Variants in PEAK1 observed in about 807,000 individuals in gnomAD.
The protein encoded by PEAK1 is pseudopodium enriched atypical kinase 1, also known as inactive tyrosine-protein kinase PEAK1.
A neutral mutation model predicts 124.7 loss-of-function variants in PEAK1; 54 were observed. The ratio of observed to expected loss-of-function variants is 0.43; its 90% confidence interval spans 0.35 to 0.54. The LOEUF (loss-of-function observed/expected upper bound fraction) is 0.54. PEAK1 is among the 20% of genes least tolerant of loss of function. The pLI is 0.01. For missense variants in PEAK1, 2,046 were observed against 2,134.5 expected (o/e 0.96, Z 0.82); for synonymous variants, 719 against 760.0 (o/e 0.95, Z 0.89).
intron 6 of PEAK1, among the ~76,000 whole-genome samples, chr15:77,222,266 CTCT>C (rs2059424209): frequency 6.6e-6 from 1 of 152,012 alleles, no homozygotes; most frequent in African/African-American, 2.4e-5. Flanking sequence ...CCTTCTTTCT[CTCT>C]TCTTGTTTGC....
At chr15:77,226,046 T>TATATATATA (rs2059634789) in intron 6 of PEAK1, among the ~76,000 whole-genome samples, 2 of 28,776 alleles carry the variant, frequency 7.0e-5, no homozygotes, top group Non-Finnish European at 1.4e-4. Flanking sequence ...AATAAAGGGA[T>TATATATATA]ATATATATAT....
At chr15:77,355,018 G>A (rs886566754) in intron 2 of PEAK1, among the ~76,000 whole-genome samples, 6 of 151,176 alleles carry the variant, frequency 4.0e-5, no homozygotes, top group South Asian at 4.2e-4. Flanking sequence ...CAGCCTGGGC[G>A]ACAGAGCGAG....
At chr15:77,205,976 CT>C (rs2058629144) in intron 6 of PEAK1, among the ~76,000 whole-genome samples, 1 of 117,458 alleles carries the variant, frequency 8.5e-6, no homozygotes, top group Non-Finnish European at 1.7e-5. Flanking sequence ...TCCCTCCCCC[CT>C]CCCCCCACCC....
intron 2 of PEAK1, among the ~76,000 whole-genome samples, chr15:77,339,828 G>A (rs2066424082): frequency 6.6e-6 from 1 of 152,118 alleles, no homozygotes; most frequent in South Asian, 2.1e-4. Flanking sequence ...TAAAAAGTGG[G>A]CCAGTGATCT....
At chr15:77,248,902 G>A (rs867094129) in intron 6 of PEAK1, among the ~76,000 whole-genome samples, 7 of 152,046 alleles carry the variant, frequency 4.6e-5, no homozygotes, top group African/African-American at 1.4e-4. Context: ...TCGGCTCACC[G>A]CAGCCTCTGC....
At position 77,113,959 on chromosome 15, in the gene PEAK1, T is replaced by A; in HGVS notation, c.*197A>T. ...GCAAGTTTGTGCAGCTGAATTTCTGTAAAGTTAAGACAGACTCAGCTTCTC... is the reference window on the plus strand; with the variant it reads ...GCAAGTTTGTGCAGCTGAATTTCTGAAAAGTTAAGACAGACTCAGCTTCTC... On this transcript the variant is annotated 3_prime_UTR_variant, in exon 10 of 10. Transcript: ENST00000682557. 1.7e-6 allele frequency: 1 copy of A among 590,976 alleles called. No homozygotes were observed. Among genetic ancestry groups the A allele is most frequent in the Non-Finnish European group, 2.9e-6 (1 of 343,436 alleles). 36.6% of individuals were successfully genotyped at this position (590,976 alleles called of 1,614,324 possible).
intron 6 of PEAK1, among the ~76,000 whole-genome samples, chr15:77,241,699 A>T (rs537328819): frequency 1.4e-3 from 214 of 151,306 alleles, no homozygotes; most frequent in African/African-American, 3.7e-3. Flanking sequence ...AACCAAAATT[A>T]AAAAAAAATA....
intron 6 of PEAK1, among the ~76,000 whole-genome samples, chr15:77,184,868 C>T (rs910179342): frequency 8.5e-5 from 13 of 152,144 alleles, no homozygotes; most frequent in South Asian, 2.1e-4. Flanking sequence ...TGCCACTGCA[C>T]CACAGTCTAA....
At chr15:77,203,448 A>C (rs1168958043) in intron 6 of PEAK1, among the ~76,000 whole-genome samples, 1 of 152,212 alleles carries the variant, frequency 6.6e-6, no homozygotes, top group Admixed American at 6.5e-5. Context: ...TTTTAAAATC[A>C]AGAGCACAAC....
At chr15:77,197,970 C>T (rs1198683599) in intron 6 of PEAK1, among the ~76,000 whole-genome samples, 2 of 151,840 alleles carry the variant, frequency 1.3e-5, no homozygotes, top group African/African-American at 2.4e-5. Context: ...GTCATGAATA[C>T]ATAAAATATA....
rs544664198 is a variant in PEAK1, at chr15:77,108,553, C to A, written c.*5603G>T. ...TTCTAACTGGTAAAGGAAGGGATAA[C>A]CAAGTAGTATTTGGAGCAAGTTCCT... is the stretch of plus-strand genomic sequence containing the variant. On this transcript the variant is annotated 3_prime_UTR_variant, in exon 10 of 10. Transcript: ENST00000682557. 6.6e-6 allele frequency: 1 copy of A among 152,156 alleles called. No individual in the cohort carries two copies. Among genetic ancestry groups the A allele is most frequent in the East Asian group, 1.9e-4 (1 of 5,192 alleles). 9.4% of individuals were successfully genotyped at this position (152,156 alleles called of 1,614,324 possible). A position where few individuals can be genotyped will look rare whatever the true frequency, so the allele number is the denominator to read the frequency against.
At chr15:77,314,050 T>C (rs926973107) in intron 2 of PEAK1, among the ~76,000 whole-genome samples, 23 of 152,144 alleles carry the variant, frequency 1.5e-4, no homozygotes, top group African/African-American at 5.6e-4. Context: ...TGGTACTTTA[T>C]TTCTGTGGTC....
intron 2 of PEAK1, among the ~76,000 whole-genome samples, chr15:77,318,323 C>G (rs2064999467): frequency 1.3e-5 from 2 of 152,110 alleles, no homozygotes; most frequent in African/African-American, 4.8e-5. Context: ...CAGGAGATCT[C>G]TGTATTATAT....
chr15:77,197,988 T>C (rs1344190991), intron 6 of PEAK1, among the ~76,000 whole-genome samples: 1 of 152,186 alleles, frequency 6.6e-6, no homozygotes, highest in Non-Finnish European at 1.5e-5. Context: ...ATATGGATAG[T>C]ATATTTTATC....
intron 5 of PEAK1, among the ~76,000 whole-genome samples, chr15:77,264,450 TA>T (rs2061607997): frequency 6.6e-6 from 1 of 152,192 alleles, no homozygotes; most frequent in South Asian, 2.1e-4. Flanking sequence ...AGCATTCTTA[TA>T]CACCAATAAC....
intron 6 of PEAK1, among the ~76,000 whole-genome samples, chr15:77,196,962 C>T (rs374549264): frequency 2.0e-5 from 3 of 151,980 alleles, no homozygotes; most frequent in Admixed American, 6.6e-5. Flanking sequence ...GTGATCCTCT[C>T]ACCTCAGCCT....
intron 2 of PEAK1, chr15:77,347,958 A>C (rs2066967893): frequency 1.0e-6 from 1 of 985,138 alleles, no homozygotes; most frequent in African/African-American, 1.7e-5. Context: ...ATTCCCAAAC[A>C]TACTGTATAG....
chr15:77,126,890 A>G (rs1203572171), intron 9 of PEAK1, among the ~76,000 whole-genome samples: 1 of 152,258 alleles, frequency 6.6e-6, no homozygotes, highest in East Asian at 1.9e-4. Flanking sequence ...CAAATCCAGG[A>G]AAAGCCCTGA....
downstream of PEAK1, chr15:77,106,191 T>C (rs1223973110): frequency 6.6e-6 from 1 of 152,140 alleles, no homozygotes; most frequent in Admixed American, 6.5e-5. Context: ...AGTAACGAGA[T>C]GCAGATGAAC....
Sources: gnomAD v4.1 joint callset for allele counts (sites outside exome capture counted in the v4.1 genomes callset) on GRCh38, gnomAD v4.1.1 for gene constraint, MANE v1.5 for transcripts, NCBI Gene and HGNC (gene_info 2026-07-23, HGNC 2026-07-21) for gene names.